Variants in NPAS3 observed in about 807,000 individuals in gnomAD.
NPAS3 encodes the protein neuronal PAS domain protein 3, also known as neuronal PAS domain-containing protein 3.
Under a neutral mutation model 73.1 loss-of-function variants are expected in NPAS3, and 14 were observed. That is an observed-to-expected ratio of 0.19 (90% confidence interval 0.13 to 0.30). NPAS3 has a LOEUF of 0.30. NPAS3 is among the 10% of genes least tolerant of loss of function. The probability of loss-of-function intolerance (pLI) is 1.00; values close to 1 mark genes in which losing one functional copy is unlikely to be tolerated. For missense variants in NPAS3, 1,096 were observed against 1,250.0 expected, an observed-to-expected ratio of 0.88 and a Z score of 1.86; for synonymous variants, 620 against 541.5, an observed-to-expected ratio of 1.14 and a Z score of -2.01.
At chr14:33,782,918 T>A (rs2063025014) in intron 9 of NPAS3, among the ~76,000 whole-genome samples, 1 of 152,186 alleles carries the variant, frequency 6.6e-6, no homozygotes, top group Non-Finnish European at 1.5e-5. Context: ...CCTGATATAA[T>A]GCATTCCATG....
chr14:33,447,026 T>C (rs1324167399), intron 4 of NPAS3, among the ~76,000 whole-genome samples: 1 of 152,244 alleles, frequency 6.6e-6, no homozygotes, highest in Non-Finnish European at 1.5e-5. Context: ...AATGGTGGGA[T>C]ATACTTATGA....
chr14:33,780,749 T>C, intron 9 of NPAS3: 1 of 413,612 alleles, frequency 2.4e-6, no homozygotes, highest in Non-Finnish European at 4.8e-6. Flanking sequence ...TTTATCTCAT[T>C]TTCCGTACCC....
intron 5 of NPAS3, among the ~76,000 whole-genome samples, chr14:33,598,939 T>C (rs193205506): frequency 6.5e-4 from 99 of 152,354 alleles, no homozygotes; most frequent in African/African-American, 2.1e-3. Flanking sequence ...ATAAAGGCTA[T>C]TTTATATACA....
At chr14:33,696,925 G>C (rs2060399880) in intron 6 of NPAS3, among the ~76,000 whole-genome samples, 2 of 152,098 alleles carry the variant, frequency 1.3e-5, no homozygotes. Flanking sequence ...AATCAACTTG[G>C]AATACCAAGT....
chr14:33,310,830 C>T (rs1256988804), intron 3 of NPAS3, among the ~76,000 whole-genome samples: 1 of 131,182 alleles, frequency 7.6e-6, no homozygotes, highest in Non-Finnish European at 1.6e-5. Flanking sequence ...CACACACACA[C>T]ACACAAATAC....
chr14:33,234,709 A>AT (rs1229312223), intron 3 of NPAS3, among the ~76,000 whole-genome samples: 1 of 151,936 alleles, frequency 6.6e-6, no homozygotes, highest in African/African-American at 2.4e-5. Context: ...AGTGTGCATA[A>AT]TTTTTTTGTT....
At chr14:33,676,101 G>A (rs2059756391) in intron 5 of NPAS3, 110 bp from the exon 6 acceptor site, 2 of 1,042,178 alleles carry the variant, frequency 1.9e-6, no homozygotes, top group Non-Finnish European at 2.9e-6. Context: ...TTGTTTCTGG[G>A]ACCTGAATGT....
intron 3 of NPAS3, among the ~76,000 whole-genome samples, chr14:33,251,978 C>G (rs2048599851): frequency 6.6e-6 from 1 of 151,678 alleles, no homozygotes; most frequent in Admixed American, 6.6e-5. Context: ...TATTCATGCC[C>G]CAGATTCATA....
At chr14:33,543,957 A>ATC (rs1280228315) in intron 4 of NPAS3, among the ~76,000 whole-genome samples, 1 of 13,866 alleles carries the variant, frequency 7.2e-5, no homozygotes, top group African/African-American at 6.2e-4. Context: ...ATATATATAT[A>ATC]TATATATATA....
intron 2 of NPAS3, among the ~76,000 whole-genome samples, chr14:33,197,424 G>C (rs1188423067): frequency 6.6e-6 from 1 of 151,880 alleles, no homozygotes; most frequent in Non-Finnish European, 1.5e-5. Flanking sequence ...TTAAGCATCA[G>C]ACACTGCACA....
intron 3 of NPAS3, among the ~76,000 whole-genome samples, chr14:33,302,205 G>A (rs1291852651): frequency 6.6e-6 from 1 of 152,228 alleles, no homozygotes; most frequent in East Asian, 1.9e-4. Context: ...GTATGTAGAT[G>A]GACTTGAAAA....
chr14:33,078,227 A>G (rs1283285607), intron 2 of NPAS3, among the ~76,000 whole-genome samples: 1 of 152,328 alleles, frequency 6.6e-6, no homozygotes, highest in Admixed American at 6.5e-5. Context: ...GGAACTGCGG[A>G]CAATCAGGGA....
intron 7 of NPAS3, among the ~76,000 whole-genome samples, chr14:33,743,902 T>C (rs558614250): frequency 6.6e-6 from 1 of 152,250 alleles, no homozygotes; most frequent in African/African-American, 2.4e-5. Context: ...CTGTTTCTTC[T>C]GCAACTTCTT....
At chr14:33,716,810 C>G (rs1225712511) in intron 6 of NPAS3, among the ~76,000 whole-genome samples, 1 of 152,076 alleles carries the variant, frequency 6.6e-6, no homozygotes, top group Non-Finnish European at 1.5e-5. Flanking sequence ...CTGAGCGCCG[C>G]CCCCACCCGA....
intron 2 of NPAS3, among the ~76,000 whole-genome samples, chr14:33,180,092 C>G (rs1383952707): frequency 6.6e-6 from 1 of 152,038 alleles, no homozygotes; most frequent in Non-Finnish European, 1.5e-5. Flanking sequence ...GCTGCATATC[C>G]CTATTTTGAA....
At chr14:32,964,946 G>C (rs1160725846) in intron 1 of NPAS3, among the ~76,000 whole-genome samples, 1 of 152,074 alleles carries the variant, frequency 6.6e-6, no homozygotes, top group Non-Finnish European at 1.5e-5. Context: ...CTCTGGCCTG[G>C]GTGACAGAGC....
chr14:33,466,089 G>A (rs2050512655), intron 4 of NPAS3, among the ~76,000 whole-genome samples: 1 of 152,134 alleles, frequency 6.6e-6, no homozygotes, highest in Non-Finnish European at 1.5e-5. Context: ...TTGAGCTTCG[G>A]GAGCATGCTG....
chr14:33,581,162 T>G (rs887204706), intron 5 of NPAS3, among the ~76,000 whole-genome samples: 9 of 152,166 alleles, frequency 5.9e-5, no homozygotes, highest in African/African-American at 2.2e-4. Flanking sequence ...AACATGTAAT[T>G]AATGGAAATG....
At chr14:33,653,719 C>G (rs149814806) in intron 5 of NPAS3, among the ~76,000 whole-genome samples, 1 of 152,294 alleles carries the variant, frequency 6.6e-6, no homozygotes, top group African/African-American at 2.4e-5. Flanking sequence ...GCAAATACTT[C>G]CCTTGGGTAG....
Sources: gnomAD v4.1 joint callset for allele counts (sites outside exome capture counted in the v4.1 genomes callset) on GRCh38, gnomAD v4.1.1 for gene constraint, MANE v1.5 for transcripts, NCBI Gene and HGNC (gene_info 2026-07-23, HGNC 2026-07-21) for gene names.